The following DSCAM variants were observed in gnomAD, a reference collection of about 807,000 sequenced individuals.
DSCAM encodes cell adhesion molecule DSCAM.
Under a neutral mutation model 217.7 loss-of-function variants are expected in DSCAM, and 47 were observed. The observed-to-expected ratio is 0.22, with a 90% CI of 0.17 to 0.28. The LOEUF (loss-of-function observed/expected upper bound fraction) is 0.28. Among genes scored for constraint, DSCAM ranks in the 10% least tolerant of loss-of-function variants. The pLI, the probability that DSCAM is intolerant of heterozygous loss-of-function variation, is 1.00. For missense variants in DSCAM, 2,080 were observed against 2,618.3 expected (o/e 0.79, Z 4.49); for synonymous variants, 1,056 against 1,015.3 (o/e 1.04, Z -0.76).
At chr21:40,620,104 GAAAA>G (rs1207344561) in intron 3 of DSCAM, among the ~76,000 whole-genome samples, 1 of 58,258 alleles carries the variant, frequency 1.7e-5, no homozygotes, top group Non-Finnish European at 3.3e-5. Flanking sequence ...GAAAGAGAGA[GAAAA>G]AAGAAAAAGA....
At chr21:40,086,395 A>G (rs745969313) in intron 22 of DSCAM, among the ~76,000 whole-genome samples, 2 of 152,202 alleles carry the variant, frequency 1.3e-5, no homozygotes, top group Admixed American at 1.3e-4. Context: ...TGGATGAACC[A>G]ACTTTAAATG....
At chr21:40,664,685 C>A (rs970534629) in intron 3 of DSCAM, among the ~76,000 whole-genome samples, 1 of 152,212 alleles carries the variant, frequency 6.6e-6, no homozygotes, top group Non-Finnish European at 1.5e-5. Flanking sequence ...ACTTCCTTGT[C>A]AGATTGTCAG....
At chr21:40,797,636 G>A (rs566481946) in intron 1 of DSCAM, among the ~76,000 whole-genome samples, 1 of 151,788 alleles carries the variant, frequency 6.6e-6, no homozygotes, top group African/African-American at 2.4e-5. Context: ...GAGTGTACTT[G>A]TTATGTAGAA....
intron 6 of DSCAM, among the ~76,000 whole-genome samples, chr21:40,340,106 G>A (rs912575836): frequency 6.6e-6 from 1 of 152,152 alleles, no homozygotes; most frequent in African/African-American, 2.4e-5. Context: ...GATATCTTAA[G>A]TAGGGTACTT....
chr21:40,260,612 AAAG>A (rs1419349885), intron 11 of DSCAM, among the ~76,000 whole-genome samples: 3 of 152,204 alleles, frequency 2.0e-5, no homozygotes, highest in South Asian at 2.1e-4. Context: ...TGCATTCTAC[AAAG>A]AATAAATCAT....
At chr21:40,759,556 A>G (rs930660917) in intron 1 of DSCAM, among the ~76,000 whole-genome samples, 1 of 152,212 alleles carries the variant, frequency 6.6e-6, no homozygotes, top group Non-Finnish European at 1.5e-5. Flanking sequence ...CCCCCAGTCA[A>G]GGTGCACCTG....
chr21:40,108,977 T>C (rs2089858733), intron 20 of DSCAM, among the ~76,000 whole-genome samples: 1 of 152,216 alleles, frequency 6.6e-6, no homozygotes, highest in Non-Finnish European at 1.5e-5. Context: ...CTCCCTTCCT[T>C]ACACGATATA....
At chr21:40,636,366 T>G (rs184253433) in intron 3 of DSCAM, among the ~76,000 whole-genome samples, 43 of 151,552 alleles carry the variant, frequency 2.8e-4, no homozygotes, top group Non-Finnish European at 5.6e-4. Flanking sequence ...GGTTAAATAT[T>G]AGAGAGAGAG....
chr21:40,125,045 A>G (rs1360198667), intron 19 of DSCAM, among the ~76,000 whole-genome samples: 2 of 152,206 alleles, frequency 1.3e-5, no homozygotes, highest in Admixed American at 6.5e-5. Context: ...TACCTCAGCC[A>G]TCAGAGACCC....
At chr21:40,645,736 G>A (rs1384514617) in intron 3 of DSCAM, among the ~76,000 whole-genome samples, 3 of 152,122 alleles carry the variant, frequency 2.0e-5, no homozygotes, top group East Asian at 1.9e-4. Context: ...TAGGTCATGG[G>A]TCTAAAAAAT....
chr21:40,805,930 G>C (rs141785267), intron 1 of DSCAM, among the ~76,000 whole-genome samples: 1 of 151,940 alleles, frequency 6.6e-6, no homozygotes, highest in Non-Finnish European at 1.5e-5. Flanking sequence ...GGATGGTCTC[G>C]ATCTCCTGAC....
At chr21:40,638,249 G>A (rs141281058) in intron 3 of DSCAM, among the ~76,000 whole-genome samples, 1 of 152,264 alleles carries the variant, frequency 6.6e-6, no homozygotes, top group Non-Finnish European at 1.5e-5. Context: ...GACTACCCAT[G>A]TGTAATCCTA....
In DSCAM at chr21:40,376,553, GATATCTATATATCTT is replaced by G. The variant is rs1378424757; in HGVS notation, c.509-7323_509-7309del. Among the ~76,000 whole-genome samples the G allele has an allele frequency of 3.5e-4, 35 of 99,928 alleles. 1 individual carries two copies. The highest frequency in any genetic ancestry group is 4.2e-4 in the African/African-American group (11 of 25,918). The allele number at this position is 99,928 out of a possible 152,430, so 65.6% of individuals were successfully genotyped here. A position where few individuals can be genotyped will look rare whatever the true frequency, so the allele number is the denominator to read the frequency against. On this transcript the variant is annotated intron_variant, in intron 3 of 32. Transcript: ENST00000400454. ...TATAGATATCGATATATCTTATATC[GATATCTATATATCTT>G]ATATCGATATCTATATATCTTATAT...
At chr21:40,100,218 T>C (rs2089732790) in intron 20 of DSCAM, among the ~76,000 whole-genome samples, 1 of 152,012 alleles carries the variant, frequency 6.6e-6, no homozygotes, top group South Asian at 2.1e-4. Context: ...ATTTTAACAG[T>C]AGGTAGGAGA....
intron 3 of DSCAM, among the ~76,000 whole-genome samples, chr21:40,553,879 T>G (rs1016261785): frequency 6.6e-6 from 1 of 152,172 alleles, no homozygotes; most frequent in Non-Finnish European, 1.5e-5. Context: ...TTCTCATTTA[T>G]CATATGACAA....
chr21:40,698,567 T>C (rs1463399389), intron 2 of DSCAM, among the ~76,000 whole-genome samples: 1 of 152,104 alleles, frequency 6.6e-6, no homozygotes, highest in Non-Finnish European at 1.5e-5. Context: ...GCGCCTGATC[T>C]TGCATCAAAA....
chr21:40,807,280 T>A (rs2091796806), intron 1 of DSCAM, among the ~76,000 whole-genome samples: 1 of 152,100 alleles, frequency 6.6e-6, no homozygotes, highest in Non-Finnish European at 1.5e-5. Flanking sequence ...GGAAAACATC[T>A]ATGTCCTTAA....
At chr21:40,533,478 C>T (rs777460064) in intron 3 of DSCAM, among the ~76,000 whole-genome samples, 26 of 151,116 alleles carry the variant, frequency 1.7e-4, no homozygotes, top group Non-Finnish European at 2.9e-4. Context: ...TCCATCCGTC[C>T]GTCCATCCAT....
At chr21:40,395,681 A>G (rs2123763597) in intron 3 of DSCAM, among the ~76,000 whole-genome samples, 1 of 152,356 alleles carries the variant, frequency 6.6e-6, no homozygotes, top group East Asian at 1.9e-4. Context: ...AACACAAAGA[A>G]AATGGGCATT....
Sources: gnomAD v4.1 joint callset for allele counts (sites outside exome capture counted in the v4.1 genomes callset) on GRCh38, gnomAD v4.1.1 for gene constraint, MANE v1.5 for transcripts, NCBI Gene and HGNC (gene_info 2026-07-23, HGNC 2026-07-21) for gene names.